Variants in LPAR1 observed in about 807,000 individuals in gnomAD.
The protein encoded by LPAR1 is LPA receptor 1.
In LPAR1, 5 loss-of-function variants were observed where a neutral mutation model predicts 23.8. The observed-to-expected ratio is 0.21, with a 90% CI of 0.11 to 0.44. LPAR1 has a LOEUF of 0.44. Ranked by LOEUF, LPAR1 falls within the 20% of genes least tolerant of loss-of-function variation. LPAR1 has a pLI of 0.99. For synonymous variants in LPAR1, 160 were observed against 164.7 expected (o/e 0.97, Z 0.22); for missense variants, 311 against 482.8 (o/e 0.64, Z 3.33).
At chr9:110,933,699 A>T (rs2094529066) in intron 5 of LPAR1, among the ~76,000 whole-genome samples, 1 of 152,352 alleles carries the variant, frequency 6.6e-6, no homozygotes, top group East Asian at 1.9e-4. Flanking sequence ...TTTAACGACA[A>T]GGAAAAGTAA....
chr9:110,884,472 T>A (rs2081806148), intron 5 of LPAR1, among the ~76,000 whole-genome samples: 1 of 152,234 alleles, frequency 6.6e-6, no homozygotes, highest in Non-Finnish European at 1.5e-5. Flanking sequence ...CTCCACTGTG[T>A]CTATTATTAC....
chr9:110,893,073 A>G (rs969189904), intron 5 of LPAR1, among the ~76,000 whole-genome samples: 1 of 152,212 alleles, frequency 6.6e-6, no homozygotes, highest in South Asian at 2.1e-4. Flanking sequence ...AAGAATAGGT[A>G]GCACAGTGGG....
chr9:110,889,916 T>C (rs937116135), intron 5 of LPAR1, among the ~76,000 whole-genome samples: 3 of 152,108 alleles, frequency 2.0e-5, no homozygotes, highest in Admixed American at 6.6e-5. Flanking sequence ...AAATGAACCA[T>C]GCATTTAACT....
At chr9:111,024,465 A>ATTATATATACATACATATTT (rs2097644382) in intron 2 of LPAR1, among the ~76,000 whole-genome samples, 1 of 147,086 alleles carries the variant, frequency 6.8e-6, no homozygotes, top group South Asian at 2.1e-4. Flanking sequence ...TATATACATA[A>ATTATATATACATACATATTT]TTATATATAC....
At chr9:111,037,359 G>C (rs1270894805) in intron 1 of LPAR1, among the ~76,000 whole-genome samples, 2 of 152,176 alleles carry the variant, frequency 1.3e-5, no homozygotes, top group Non-Finnish European at 2.9e-5. Flanking sequence ...GAGCAGAAGC[G>C]GAGAGCCACA....
chr9:111,020,894 C>T (rs1217330948), intron 2 of LPAR1, among the ~76,000 whole-genome samples: 2 of 152,238 alleles, frequency 1.3e-5, no homozygotes, highest in African/African-American at 2.4e-5. Context: ...CCAGAGTTAC[C>T]TGGACTTCCT....
Position 110,954,014 on chromosome 9 carries a change from A to C in LPAR1, c.46-11846T>G, listed in dbSNP as rs79498860. Among the ~76,000 whole-genome samples the C allele has an allele frequency of 6.2e-3, 943 of 152,224 alleles. 11 individuals carry two copies. The highest frequency in any genetic ancestry group is 0.022 in the African/African-American group (899 of 41,570). ...AAGAATTCAAAATAATAATATTTTA[A>C]AAAATAGTGAATTATAAGAGAATTC... On this transcript the variant is annotated intron_variant, in intron 4 of 5. Transcript: ENST00000683809.
chr9:110,875,583 G>A lies in LPAR1; in HGVS notation c.933C>T (p.Tyr311=). 1 of 1,614,082 alleles carries A rather than the reference G, an allele frequency of 6.2e-7. No homozygotes were observed. ...EFNSAMNPII[Y]SYRDKEMSAT... ...CGCTCATTTCTTTGTCGCGGTAGGAGTAAATGATGGGGTTCATGGCAGAGT... is the reference window on the plus strand; with the variant it reads ...CGCTCATTTCTTTGTCGCGGTAGGAATAAATGATGGGGTTCATGGCAGAGT... The change falls in exon 6 of 6, where the codon TAC becomes TAT. Residue 311 remains tyrosine (Y), a synonymous_variant. Coordinates refer to ENST00000683809, the MANE Select transcript of LPAR1 (RefSeq NM_001351411.2).
chr9:111,023,446 T>C (rs1588910843), intron 2 of LPAR1, among the ~76,000 whole-genome samples: 1 of 152,088 alleles, frequency 6.6e-6, no homozygotes, highest in African/African-American at 2.4e-5. Flanking sequence ...TCAGATGAGG[T>C]TCCCCATTTA....
intron 5 of LPAR1, among the ~76,000 whole-genome samples, chr9:110,886,428 A>AT (rs1288347644): frequency 1.3e-5 from 2 of 151,596 alleles, no homozygotes; most frequent in Admixed American, 1.3e-4. Flanking sequence ...AGGAAAAAAA[A>AT]AAAAAAAACA....
At chr9:110,935,571 T>C (rs1176501274) in intron 5 of LPAR1, among the ~76,000 whole-genome samples, 1 of 152,028 alleles carries the variant, frequency 6.6e-6, no homozygotes, top group Non-Finnish European at 1.5e-5. Context: ...AGCAGATCAC[T>C]TGAGCTCACG....
intron 2 of LPAR1, among the ~76,000 whole-genome samples, chr9:111,012,682 G>A (rs1007380921): frequency 6.6e-6 from 1 of 152,150 alleles, no homozygotes; most frequent in Admixed American, 6.5e-5. Context: ...GTTTTAAATG[G>A]GGCTGATGGG....
intron 5 of LPAR1, among the ~76,000 whole-genome samples, chr9:110,912,435 A>G (rs2092573495): frequency 6.6e-6 from 1 of 152,194 alleles, no homozygotes; most frequent in African/African-American, 2.4e-5. Flanking sequence ...GTTTTAAAAA[A>G]AGAATTAGTA....
intron 5 of LPAR1, among the ~76,000 whole-genome samples, chr9:110,906,580 T>C (rs1457223773): frequency 1.3e-5 from 2 of 152,138 alleles, no homozygotes; most frequent in African/African-American, 2.4e-5. Flanking sequence ...CATTGTGTGG[T>C]AGAATATTTT....
At chr9:110,990,185 T>C (rs1441801086) in intron 2 of LPAR1, among the ~76,000 whole-genome samples, 1 of 152,098 alleles carries the variant, frequency 6.6e-6, no homozygotes, top group Non-Finnish European at 1.5e-5. Flanking sequence ...CAGTCATTAA[T>C]TGACAGAACA....
chr9:110,941,611 G>C lies in LPAR1; in HGVS notation c.603C>G (p.Leu201=). 1 of 1,614,116 alleles carries C rather than the reference G, an allele frequency of 6.2e-7. No homozygotes were observed. Among genetic ancestry groups the C allele is most frequent in the Admixed American group, 1.7e-5 (1 of 60,032 alleles). The change falls in exon 5 of 6, where the codon CTC becomes CTG. Residue 201 remains leucine (L), a synonymous_variant. Coordinates refer to ENST00000683809, the MANE Select transcript of LPAR1 (RefSeq NM_001351411.2). This position sits in a 1 kb window ranked among gnomAD's most constrained non-coding sequence, Gnocchi z 6.1. ...AGAAGACTAAGTAAGAGTCACTGTA[G>C]AGGGGTGCCATGTTGGAACAATTTT... ...DIENCSNMAP[L]YSDSYLVFWA...
intron 5 of LPAR1, among the ~76,000 whole-genome samples, chr9:110,931,293 A>G (rs1011920822): frequency 1.3e-5 from 2 of 152,098 alleles, no homozygotes; most frequent in African/African-American, 4.8e-5. Flanking sequence ...GTCATATTAT[A>G]TTGTGTTTAT....
intron 2 of LPAR1, among the ~76,000 whole-genome samples, chr9:111,030,751 C>T (rs1266490942): frequency 6.6e-6 from 1 of 152,200 alleles, no homozygotes; most frequent in Non-Finnish European, 1.5e-5. Context: ...TTCATTATCA[C>T]TCTGACAAGA....
intron 2 of LPAR1, among the ~76,000 whole-genome samples, chr9:111,026,118 C>A (rs2097687057): frequency 6.6e-6 from 1 of 152,108 alleles, no homozygotes. Flanking sequence ...CTACTTTGGG[C>A]AGTAGGGCCA....
Sources: gnomAD v4.1 joint callset for allele counts (sites outside exome capture counted in the v4.1 genomes callset) on GRCh38, gnomAD v4.1.1 for gene constraint, Gnocchi (gnomAD v3.1) non-coding constraint, MANE v1.5 for transcripts, NCBI Gene and HGNC (gene_info 2026-07-23, HGNC 2026-07-21) for gene names.